The following MRPL35 variants were observed in gnomAD, a reference collection of about 807,000 sequenced individuals.
MRPL35 encodes large ribosomal subunit protein bL35m.
MRPL35 carries 18 observed loss-of-function variants against 21.6 expected under a neutral mutation model. That is an observed-to-expected ratio of 0.83 (90% CI 0.58 to 1.24). MRPL35 has a LOEUF of 1.24. Among genes scored for constraint, MRPL35 ranks in the 50% most tolerant of loss-of-function variants. MRPL35 has a pLI of 0.00. For synonymous variants in MRPL35, 87 were observed against 86.9 expected, an observed-to-expected ratio of 1.00 and a Z score of -0.01; for missense variants, 223 against 223.2, an observed-to-expected ratio of 1.00 and a Z score of 0.01.
intron 3 of MRPL35, among the ~76,000 whole-genome samples, chr2:86,208,031 T>G (rs1387377645): frequency 2.6e-5 from 4 of 152,222 alleles, no homozygotes; most frequent in Non-Finnish European, 4.4e-5. Context: ...AAAATTTGGT[T>G]CCCTGTAAAA....
chr2:86,206,088 A>G lies in MRPL35; in HGVS notation c.44-18A>G. On this transcript the variant is annotated intron_variant, in intron 1 of 3. Transcript: ENST00000337109. ...GCATATTTTGGAGTATTAAATATATATGCTCCTATCTTTACAGGAATCCTA... is the reference window on the plus strand; with the variant it reads ...GCATATTTTGGAGTATTAAATATATGTGCTCCTATCTTTACAGGAATCCTA... The G allele has an allele frequency of 3.2e-6, 5 of 1,575,982 alleles. No individual in the cohort carries two copies. The highest frequency in any genetic ancestry group is 4.3e-6 in the Non-Finnish European group (5 of 1,151,432).
intron 1 of MRPL35, among the ~76,000 whole-genome samples, chr2:86,203,421 C>T (rs913146400): frequency 6.6e-6 from 1 of 152,114 alleles, no homozygotes; most frequent in African/African-American, 2.4e-5. Flanking sequence ...CTCACGTGAT[C>T]GGTGGCAGTC....
chr2:86,201,053 G>A (rs1438816664), intron 1 of MRPL35, among the ~76,000 whole-genome samples: 4 of 152,166 alleles, frequency 2.6e-5, no homozygotes, highest in African/African-American at 4.8e-5. Flanking sequence ...TCATCCTGGC[G>A]CATGAGTCCA....
At position 86,213,617 on chromosome 2, in the gene MRPL35, C is replaced by T. The variant is rs1673959166; in HGVS notation, c.*2949C>T. ...GGGTGGCCCTTCACCACCCTGTTGT[C>T]ACCTGCACAGGCACTCCCCCATTTG... On this transcript the variant is annotated 3_prime_UTR_variant, in exon 4 of 4. Coordinates refer to ENST00000337109, the MANE Select transcript of MRPL35 (RefSeq NM_016622.4). 1 of 1,550,274 alleles carries T rather than the reference C, an allele frequency of 6.5e-7. No individual in the cohort carries two copies. Among genetic ancestry groups the T allele is most frequent in the African/African-American group, 1.4e-5 (1 of 73,040 alleles).
At chr2:86,209,894 G>C (rs1673868268) in intron 3 of MRPL35, among the ~76,000 whole-genome samples, 1 of 152,166 alleles carries the variant, frequency 6.6e-6, no homozygotes, top group African/African-American at 2.4e-5. Flanking sequence ...TGTGGTCCCA[G>C]CTATACGAGA....
chr2:86,202,221 C>G (rs550332623), intron 1 of MRPL35, among the ~76,000 whole-genome samples: 1 of 152,326 alleles, frequency 6.6e-6, no homozygotes, highest in Admixed American at 6.5e-5. Context: ...GATCCCAGTT[C>G]CTGTTGTTCC....
intron 3 of MRPL35, among the ~76,000 whole-genome samples, chr2:86,209,346 T>G (rs1673858517): frequency 6.6e-6 from 1 of 152,238 alleles, no homozygotes; most frequent in African/African-American, 2.4e-5. Flanking sequence ...CAGTTGGTAT[T>G]GTGCCATAAA....
At position 86,206,299 on chromosome 2, in the gene MRPL35, G is replaced by A; in HGVS notation, c.233+4G>A. 2 of 1,594,110 alleles carry A rather than the reference G, an allele frequency of 1.3e-6. No individual in the cohort carries two copies. The highest frequency in any genetic ancestry group is 2.3e-5 in the South Asian group (2 of 88,040). ...ATACCTCAGTGATCCTTAATAGGTA[G>A]AGTATATTTCTTTGTGGGGTTTTTT... is the stretch of plus-strand genomic sequence containing the variant. On this transcript the variant is annotated splice_donor_region_variant and intron_variant, in intron 2 of 3. Coordinates refer to ENST00000337109, the MANE Select transcript of MRPL35 (RefSeq NM_016622.4).
At chr2:86,206,363 C>CAAAA in intron 2 of MRPL35, 68 bp downstream of exon 2, 2 of 1,441,920 alleles carry the variant, frequency 1.4e-6, no homozygotes, top group Non-Finnish European at 1.9e-6. Context: ...GACGGAGTCT[C>CAAAA]ACTCTGTTGC....
In MRPL35 at chr2:86,212,244, G is replaced by A; in HGVS notation, c.*1576G>A. 7.2e-7 allele frequency: 1 copy of A among 1,384,202 alleles called. No individual in the cohort carries two copies. The highest frequency in any genetic ancestry group is 9.4e-7 in the Non-Finnish European group (1 of 1,066,376). 85.7% of individuals were successfully genotyped at this position (1,384,202 alleles called of 1,614,324 possible). A position where few individuals can be genotyped will look rare whatever the true frequency, so the allele number is the denominator to read the frequency against. On this transcript the variant is annotated 3_prime_UTR_variant, in exon 4 of 4. Transcript: ENST00000337109. ...TTATTAGGGAGATTCCTCGAAACTA[G>A]TGTGTGTTTATTAAAAGGAGAAAGG...
chr2:86,209,391 G>A (rs1540391), intron 3 of MRPL35, among the ~76,000 whole-genome samples: 56,913 of 152,074 alleles, frequency 0.37, 12,176 homozygotes, highest in Non-Finnish European at 0.49. Context: ...AGGGCTCACC[G>A]TGTGGTTTTA....
In MRPL35 at chr2:86,212,883, G is replaced by T; in HGVS notation, c.*2215G>T. 1.1e-6 allele frequency: 1 copy of T among 872,912 alleles called. No homozygotes were observed. The highest frequency in any genetic ancestry group is 1.4e-6 in the Non-Finnish European group (1 of 727,066). 54.1% of individuals were successfully genotyped at this position (872,912 alleles called of 1,614,324 possible). On this transcript the variant is annotated 3_prime_UTR_variant, in exon 4 of 4. Coordinates refer to ENST00000337109, the MANE Select transcript of MRPL35 (RefSeq NM_016622.4). The stretch of plus-strand genomic sequence containing the variant: ...TATGTATAATTTATAAAATATTTAT[G>T]TATAGTTTGTTTATTCAGGTATATG...
At chr2:86,208,604 G>T (rs1673847528) in intron 3 of MRPL35, among the ~76,000 whole-genome samples, 1 of 152,190 alleles carries the variant, frequency 6.6e-6, no homozygotes, top group South Asian at 2.1e-4. Flanking sequence ...GTGACGCCTA[G>T]CCCCACCCTT....
At chr2:86,205,979 C>A in intron 1 of MRPL35, 127 bp from the exon 2 acceptor site, 4 of 801,852 alleles carry the variant, frequency 5.0e-6, no homozygotes, top group Non-Finnish European at 8.1e-6. Flanking sequence ...AAAAGCTTCA[C>A]AGATGAGTCT....
chr2:86,210,738 T>C lies in MRPL35; in HGVS notation c.*70T>C. 4 of 1,496,136 alleles carry C rather than the reference T, an allele frequency of 2.7e-6. No individual in the cohort carries two copies. The highest frequency in any genetic ancestry group is 3.6e-6 in the Non-Finnish European group (4 of 1,119,430). 92.7% of individuals were successfully genotyped at this position (1,496,136 alleles called of 1,614,324 possible). On this transcript the variant is annotated 3_prime_UTR_variant, in exon 4 of 4. Transcript: ENST00000337109. ...GTGTACATATCTTTGCAAAAATGGA[T>C]AAGTACAAAACTTGATGTAAATTGT... is the stretch of plus-strand genomic sequence containing the variant.
intron 1 of MRPL35, among the ~76,000 whole-genome samples, chr2:86,200,678 A>G (rs1353494594): frequency 6.6e-6 from 1 of 151,548 alleles, no homozygotes; most frequent in African/African-American, 2.4e-5. Flanking sequence ...ATTGCTATAT[A>G]ATTCTTTTTT....
intron 1 of MRPL35, among the ~76,000 whole-genome samples, chr2:86,200,851 A>C (rs1273071812): frequency 6.6e-6 from 1 of 151,944 alleles, no homozygotes. Flanking sequence ...TTTTTAGTAG[A>C]GTTGGGGTTT....
In MRPL35 at chr2:86,206,235, C is replaced by T; in HGVS notation, c.173C>T (p.Pro58Leu). 1 of 1,613,688 alleles carries T rather than the reference C, an allele frequency of 6.2e-7. No homozygotes were observed. Among genetic ancestry groups the T allele is most frequent in the Non-Finnish European group, 8.5e-7 (1 of 1,179,578 alleles). Residue 58 changes from proline (P) to leucine (L), a missense_variant, in exon 2 of 4, where the codon CCC (proline) becomes CTC (leucine). Pro to Leu is a moderately conservative substitution (Grantham distance 98, BLOSUM62 -3). Coordinates refer to ENST00000337109, the MANE Select transcript of MRPL35 (RefSeq NM_016622.4). Reference sequence around the variant, plus strand: ...CAGACACCAGTTGTTTCCTCCACTCCCAGACTTACCACATCTGAGAGAAAC... The same window carrying T: ...CAGACACCAGTTGTTTCCTCCACTCTCAGACTTACCACATCTGAGAGAAAC... ...HIQTPVVSST[P>L]RLTTSERNLT...
chr2:86,199,452 C>G, upstream of MRPL35: 2 of 1,613,534 alleles, frequency 1.2e-6, no homozygotes, highest in South Asian at 2.2e-5. Context: ...TGCTCTTGTG[C>G]TTTTAAACCC....
Sources: allele counts gnomAD v4.1 joint callset (sites outside exome capture counted in the v4.1 genomes callset), GRCh38; gene constraint gnomAD v4.1.1; transcripts MANE v1.5; gene names NCBI Gene and HGNC (gene_info 2026-07-23, HGNC 2026-07-21).